RAB3IL1: variants seen among roughly 807,000 people sequenced by gnomAD.
RAB3IL1 encodes RAB3A interacting protein like 1.
RAB3IL1 carries 37 observed loss-of-function variants against 49.2 expected under a neutral mutation model. The ratio of observed to expected loss-of-function variants is 0.75; its 90% CI spans 0.58 to 0.99. RAB3IL1 has a LOEUF of 0.99. RAB3IL1 is among the 50% of genes least tolerant of loss of function. RAB3IL1 has a pLI of 0.00. For missense variants in RAB3IL1, 484 were observed against 513.0 expected, an observed-to-expected ratio of 0.94 and a Z score of 0.55; for synonymous variants, 193 against 213.9, an observed-to-expected ratio of 0.90 and a Z score of 0.85.
At chr11:61,944,752 A>T in the RAB3IL1 span, among the ~76,000 whole-genome samples, 2 of 152,114 alleles carry the variant, frequency 1.3e-5, no homozygotes, top group African/African-American at 4.8e-5. Flanking sequence ...GCTGGAGTAC[A>T]ATGGTGCAAT....
Position 61,917,347 on chromosome 11 carries a change from G to C in RAB3IL1, c.11+10C>G. ...ACCCAGCGCGGGACCGCGAGCGCGC[G>C]CGGACCTACCCGCTCCACATCCCGG... On this transcript the variant is annotated intron_variant, in intron 1 of 9. Transcript: ENST00000394836. 5 of 1,305,552 alleles carry C rather than the reference G, an allele frequency of 3.8e-6. No homozygotes were observed. The highest frequency in any genetic ancestry group is 4.9e-6 in the Non-Finnish European group (5 of 1,027,488). 80.9% of individuals were successfully genotyped at this position (1,305,552 alleles called of 1,614,324 possible).
chr11:61,941,832 A>G, the RAB3IL1 span, among the ~76,000 whole-genome samples: 142 of 152,316 alleles, frequency 9.3e-4, no homozygotes, highest in African/African-American at 3.3e-3. Context: ...AGCAAATCCA[A>G]TCCAGCAACA....
At chr11:61,912,769 A>C (rs1939513745) in intron 1 of RAB3IL1, among the ~76,000 whole-genome samples, 1 of 152,090 alleles carries the variant, frequency 6.6e-6, no homozygotes, top group Admixed American at 6.6e-5. Context: ...GGTTTGAGGA[A>C]GTCTGAGACA....
At chr11:61,904,193 T>C (rs915804017) in intron 7 of RAB3IL1, among the ~76,000 whole-genome samples, 1 of 152,060 alleles carries the variant, frequency 6.6e-6, no homozygotes, top group Non-Finnish European at 1.5e-5. Context: ...GCTATTTTGT[T>C]CTGCTGCTCC....
upstream of RAB3IL1, among the ~76,000 whole-genome samples, chr11:61,919,773 C>G (rs1939850394): frequency 6.6e-6 from 1 of 152,242 alleles, no homozygotes; most frequent in Non-Finnish European, 1.5e-5. Flanking sequence ...AGACCCTTGG[C>G]TGAAGGCAGC....
chr11:61,899,322 C>T lies in RAB3IL1; in HGVS notation c.1058G>A (p.Arg353Gln). ...CACCAGGGGGCGCTCACCGTCCTGC[C>T]GCACCAGGCCTTGCTGGATGTAGCG... The part of the protein sequence containing the change: ...YIRYIQQGLV[R>Q]QDAEPMFWEI... Residue 353 changes from arginine to glutamine, a missense_variant, in exon 9 of 10, where the codon CGG becomes CAG. By Grantham distance (43) the Arg-to-Gln change is conservative. Coordinates refer to ENST00000394836, the MANE Select transcript of RAB3IL1 (RefSeq NM_013401.4). The T allele has an allele frequency of 2.5e-6, 4 of 1,606,908 alleles. No individual in the cohort carries two copies. Among genetic ancestry groups the T allele is most frequent in the Non-Finnish European group, 2.5e-6 (3 of 1,179,628 alleles).
the RAB3IL1 span, among the ~76,000 whole-genome samples, chr11:61,943,817 C>T: frequency 9.2e-5 from 14 of 152,062 alleles, no homozygotes; most frequent in Admixed American, 9.2e-4. Flanking sequence ...TATGTAAACA[C>T]TACATACATA....
intron 7 of RAB3IL1, among the ~76,000 whole-genome samples, chr11:61,903,181 G>T (rs1316058167): frequency 6.6e-6 from 1 of 151,926 alleles, no homozygotes; most frequent in African/African-American, 2.4e-5. Flanking sequence ...GCCATCATCT[G>T]CTCGGCTCTC....
the RAB3IL1 span, among the ~76,000 whole-genome samples, chr11:61,928,388 G>A: frequency 6.6e-6 from 1 of 151,858 alleles, no homozygotes; most frequent in Non-Finnish European, 1.5e-5. Flanking sequence ...AATACATGAA[G>A]CTAGGACCCT....
At chr11:61,912,034 C>G (rs1178523457) in intron 1 of RAB3IL1, among the ~76,000 whole-genome samples, 1 of 152,230 alleles carries the variant, frequency 6.6e-6, no homozygotes, top group Non-Finnish European at 1.5e-5. Context: ...ATTCCTCAAC[C>G]AGTGCCCAAG....
intron 9 of RAB3IL1, 30 bp downstream of exon 9, chr11:61,899,284 T>G: frequency 6.3e-7 from 1 of 1,595,448 alleles, no homozygotes; most frequent in Non-Finnish European, 8.5e-7. Context: ...CCGTGTGCGA[T>G]CCCTGCACCG....
At chr11:61,907,018 T>C (rs1267768709) in intron 4 of RAB3IL1, among the ~76,000 whole-genome samples, 3 of 152,180 alleles carry the variant, frequency 2.0e-5, no homozygotes, top group African/African-American at 4.8e-5. Context: ...ATTTTGCAGA[T>C]GGGCAACCAG....
upstream of RAB3IL1, among the ~76,000 whole-genome samples, chr11:61,923,357 C>T (rs192358410): frequency 2.1e-4 from 32 of 152,310 alleles, no homozygotes; most frequent in Middle Eastern, 0.017. Context: ...TGCCTGAAGT[C>T]GCCTCCCCTT....
chr11:61,914,247 G>A (rs1448367198), intron 1 of RAB3IL1, among the ~76,000 whole-genome samples: 1 of 152,200 alleles, frequency 6.6e-6, no homozygotes, highest in Admixed American at 6.5e-5. Flanking sequence ...CTACAGCCCT[G>A]CCTGCCGCAA....
At chr11:61,907,348 G>T in intron 4 of RAB3IL1, 45 bp downstream of exon 4, 1 of 1,583,192 alleles carries the variant, frequency 6.3e-7, no homozygotes, top group Non-Finnish European at 8.6e-7. Flanking sequence ...CCGGGAGGCA[G>T]GGGGGGTGCC....
chr11:61,899,301 A>G lies in RAB3IL1; in HGVS notation c.1066+13T>C. 1 of 1,602,754 alleles carries G rather than the reference A, an allele frequency of 6.2e-7. No individual in the cohort carries two copies. Among genetic ancestry groups the G allele is most frequent in the Non-Finnish European group, 8.5e-7 (1 of 1,178,924 alleles). On this transcript the variant is annotated intron_variant, in intron 9 of 9. Transcript: ENST00000394836. Reference sequence around the variant, plus strand: ...GTGTGCGATCCCTGCACCGGCCACCAGGGGGCGCTCACCGTCCTGCCGCAC... The same window carrying G: ...GTGTGCGATCCCTGCACCGGCCACCGGGGGGCGCTCACCGTCCTGCCGCAC...
At position 61,899,379 on chromosome 11, in the gene RAB3IL1, A is replaced by C. The variant is rs1250430286; in HGVS notation, c.1001T>G (p.Ile334Ser). 1 of 1,608,846 alleles carries C rather than the reference A, an allele frequency of 6.2e-7. No homozygotes were observed. Among genetic ancestry groups the C allele is most frequent in the East Asian group, 2.2e-5 (1 of 44,846 alleles). ...GGTGAAGAAGTTGCACACTGCGGTG[A>C]TCTGTGGGCAGAGGTGGGGACGGTG... ...YYISPSSRAR[I>S]TAVCNFFTYI... is the part of the protein sequence containing the mutation. Residue 334 changes from isoleucine (I) to serine (S), a missense_variant and splice_region_variant, in exon 9 of 10, where the codon ATC becomes AGC. Transcript: ENST00000394836.
the RAB3IL1 span, among the ~76,000 whole-genome samples, chr11:61,927,798 G>A: frequency 6.6e-5 from 10 of 152,054 alleles, no homozygotes; most frequent in Admixed American, 5.9e-4. Context: ...GGCCATGTAA[G>A]ATGTGCCTGC....
At chr11:61,905,653 A>G (rs1939148161) in intron 5 of RAB3IL1, among the ~76,000 whole-genome samples, 1 of 144,984 alleles carries the variant, frequency 6.9e-6, no homozygotes, top group Non-Finnish European at 1.6e-5. Flanking sequence ...CAGGAGGTGG[A>G]TGAGGGCCTG....
Sources: allele counts gnomAD v4.1 joint callset (sites outside exome capture counted in the v4.1 genomes callset), GRCh38; gene constraint gnomAD v4.1.1; transcripts MANE v1.5; gene names NCBI Gene and HGNC (gene_info 2026-07-23, HGNC 2026-07-21).